KCNMA1: variants seen among roughly 807,000 people sequenced by gnomAD.
KCNMA1 encodes potassium calcium-activated channel subfamily M alpha 1, also known as Calcium-activated potassium channel subunit alpha-1.
Under a neutral mutation model 140.0 loss-of-function variants are expected in KCNMA1, and 29 were observed. The ratio of observed to expected loss-of-function variants is 0.21; its 90% confidence interval spans 0.15 to 0.28. The LOEUF is 0.28. Among genes scored for constraint, KCNMA1 ranks in the 10% least tolerant of loss-of-function variants. The pLI is 1.00. For synonymous variants in KCNMA1, 612 were observed against 611.9 expected (o/e 1.00, Z 0.00); for missense variants, 880 against 1,602.2 (o/e 0.55, Z 7.70).
At chr10:77,551,253 G>T (rs1050310169) in intron 1 of KCNMA1, among the ~76,000 whole-genome samples, 1 of 152,182 alleles carries the variant, frequency 6.6e-6, no homozygotes, top group Admixed American at 6.5e-5. Flanking sequence ...ATGTACAGGG[G>T]AAGGACAGAG....
At chr10:77,091,362 C>A (rs1041585665) in intron 9 of KCNMA1, 1 of 152,226 alleles carries the variant, frequency 6.6e-6, no homozygotes, top group African/African-American at 2.4e-5. Flanking sequence ...AGAGATGAGC[C>A]CCACAACTGT....
chr10:77,413,602 C>G (rs775101119), intron 1 of KCNMA1, among the ~76,000 whole-genome samples: 1 of 152,132 alleles, frequency 6.6e-6, no homozygotes, highest in South Asian at 2.1e-4. Flanking sequence ...ACTCAAGGAC[C>G]AGAGAAATAG....
intron 2 of KCNMA1, among the ~76,000 whole-genome samples, chr10:77,384,984 T>C (rs1320004611): frequency 6.6e-6 from 1 of 152,212 alleles, no homozygotes; most frequent in Non-Finnish European, 1.5e-5. Flanking sequence ...TGATCTCACC[T>C]AAGCTATTAA....
chr10:76,948,313 C>A (rs1223085795), intron 22 of KCNMA1, among the ~76,000 whole-genome samples: 1 of 152,130 alleles, frequency 6.6e-6, no homozygotes, highest in Non-Finnish European at 1.5e-5. Flanking sequence ...GCCCCTGTTT[C>A]TCAGTTTCAG....
intron 5 of KCNMA1, among the ~76,000 whole-genome samples, chr10:77,131,309 G>T (rs780393881): frequency 2.6e-5 from 4 of 152,152 alleles, no homozygotes; most frequent in Admixed American, 2.0e-4. Flanking sequence ...CAAATGCAAA[G>T]ATAAGCACAA....
At chr10:76,873,232 C>G (rs748747620), downstream of KCNMA1, 5 of 152,086 alleles carry the variant, frequency 3.3e-5, no homozygotes, top group Non-Finnish European at 7.4e-5. Context: ...TTATGGAAAT[C>G]TTGAAATTAT....
At chr10:77,335,110 G>A (rs2088345542) in intron 2 of KCNMA1, among the ~76,000 whole-genome samples, 1 of 152,094 alleles carries the variant, frequency 6.6e-6, no homozygotes, top group Admixed American at 6.6e-5. Context: ...CATGAGAAAA[G>A]CCTCTCCCCT....
intron 14 of KCNMA1, among the ~76,000 whole-genome samples, chr10:77,044,268 C>T (rs571103573): frequency 4.3e-4 from 65 of 152,012 alleles, no homozygotes; most frequent in Middle Eastern, 3.4e-3. Context: ...TTCTAAGTCT[C>T]GAGTGTGGTA....
intron 24 of KCNMA1, chr10:76,910,662 A>G (rs559984038): frequency 1.6e-5 from 3 of 188,018 alleles, no homozygotes; most frequent in African/African-American, 7.0e-5. Context: ...GTCCACACCC[A>G]ATAGGCCCTG....
intron 2 of KCNMA1, among the ~76,000 whole-genome samples, chr10:77,352,419 T>G (rs2092992034): frequency 6.6e-6 from 1 of 152,224 alleles, no homozygotes; most frequent in South Asian, 2.1e-4. Flanking sequence ...CATATGACTT[T>G]GTGATTGATG....
intron 25 of KCNMA1, chr10:76,902,843 AG>A (rs1257615121): frequency 1.3e-5 from 2 of 152,238 alleles, no homozygotes; most frequent in African/African-American, 4.8e-5. Context: ...GAGTTAAATG[AG>A]AGGATTTGTG....
At position 76,944,968 on chromosome 10, in the gene KCNMA1, T is replaced by A. The variant is rs1214940006; in HGVS notation, c.2710-3A>T. The A allele has an allele frequency of 4.3e-6, 7 of 1,613,130 alleles. No individual in the cohort carries two copies. The South Asian group carries it at 7.7e-5, about 18-fold the overall frequency. On this transcript the variant is annotated splice_polypyrimidine_tract_variant and splice_region_variant and intron_variant, in intron 22 of 27. Coordinates refer to ENST00000286628, the MANE Select transcript of KCNMA1 (RefSeq NM_001161352.2). ...TCAGCCCGACTTAATGGCGTACCCT[T>A]TGGCATAGAGGAAAGAAAAAAAAAC...
intron 6 of KCNMA1, among the ~76,000 whole-genome samples, chr10:77,117,838 G>A (rs1482714114): frequency 2.0e-5 from 3 of 152,180 alleles, no homozygotes; most frequent in Admixed American, 6.5e-5. Context: ...TTAATTGGCC[G>A]TTTCAGGCTA....
chr10:77,431,574 G>C (rs975766811), intron 1 of KCNMA1, among the ~76,000 whole-genome samples: 1 of 150,714 alleles, frequency 6.6e-6, no homozygotes, highest in African/African-American at 2.4e-5. Context: ...CAGGCAGCTT[G>C]CAGACCACTG....
At chr10:77,491,651 A>G (rs816848) in intron 1 of KCNMA1, among the ~76,000 whole-genome samples, 16,111 of 151,466 alleles carry the variant, frequency 0.11, 1,165 homozygotes, top group African/African-American at 0.18. Context: ...GACAGAAGGG[A>G]CCACAGAACA....
At chr10:77,268,602 T>C (rs1406870363) in intron 2 of KCNMA1, among the ~76,000 whole-genome samples, 1 of 152,104 alleles carries the variant, frequency 6.6e-6, no homozygotes, top group Non-Finnish European at 1.5e-5. Flanking sequence ...CCTCAGGTCA[T>C]GGGAAGTGGC....
At chr10:77,406,942 A>G (rs1384269395) in intron 1 of KCNMA1, among the ~76,000 whole-genome samples, 3 of 152,124 alleles carry the variant, frequency 2.0e-5, no homozygotes, top group Non-Finnish European at 4.4e-5. Context: ...AACGTGAAAA[A>G]GGCTGGGAGG....
chr10:77,350,520 C>G (rs928245611), intron 2 of KCNMA1: 1 of 152,218 alleles, frequency 6.6e-6, no homozygotes, highest in Non-Finnish European at 1.5e-5. Context: ...GTGGAGCACA[C>G]AGCCATTTTG....
intron 3 of KCNMA1, among the ~76,000 whole-genome samples, chr10:77,212,287 G>C (rs1230197812): frequency 6.6e-6 from 1 of 152,202 alleles, no homozygotes; most frequent in Non-Finnish European, 1.5e-5. Flanking sequence ...GTGAAATCAA[G>C]TCTTTTGTGG....
Sources: allele counts gnomAD v4.1 joint callset (sites outside exome capture counted in the v4.1 genomes callset), GRCh38; gene constraint gnomAD v4.1.1; transcripts MANE v1.5; gene names NCBI Gene and HGNC (gene_info 2026-07-23, HGNC 2026-07-21).